The following WDFY3 variants were observed in gnomAD, a reference collection of about 807,000 sequenced individuals.
WDFY3 encodes the protein WD repeat and FYVE domain containing 3.
Under a neutral mutation model 409.6 loss-of-function variants are expected in WDFY3, and 66 were observed. The ratio of observed to expected loss-of-function variants is 0.16; its 90% CI spans 0.13 to 0.20. The LOEUF is 0.20. Among genes scored for constraint, WDFY3 ranks in the 10% least tolerant of loss-of-function variants. The pLI is 1.00. For missense variants in WDFY3, 3,031 were observed against 4,298.1 expected, an observed-to-expected ratio of 0.71 and a Z score of 8.24; for synonymous variants, 1,521 against 1,537.1, an observed-to-expected ratio of 0.99 and a Z score of 0.25.
chr4:84,773,893 C>CCATCT (rs1470886906), intron 29 of WDFY3, among the ~76,000 whole-genome samples: 1 of 151,998 alleles, frequency 6.6e-6, no homozygotes, highest in Non-Finnish European at 1.5e-5. Flanking sequence ...GCTAATTGTT[C>CCATCT]CTATTTTTAG....
At chr4:84,923,296 G>C (rs952304310) in intron 2 of WDFY3, among the ~76,000 whole-genome samples, 3 of 152,162 alleles carry the variant, frequency 2.0e-5, no homozygotes, top group Admixed American at 6.5e-5. Flanking sequence ...AAAAAGATGA[G>C]GCCAAAGGAA....
At chr4:84,807,472 A>C (rs1751708480) in intron 15 of WDFY3, among the ~76,000 whole-genome samples, 1 of 152,216 alleles carries the variant, frequency 6.6e-6, no homozygotes, top group African/African-American at 2.4e-5. Context: ...AACTATCTTC[A>C]AGTTTCAAAA....
At chr4:84,754,175 TTGG>T (rs1741013739) in intron 34 of WDFY3, among the ~76,000 whole-genome samples, 1 of 152,200 alleles carries the variant, frequency 6.6e-6, no homozygotes, top group Non-Finnish European at 1.5e-5. Context: ...ACCATGAGTG[TTGG>T]TGGTACCAAA....
intron 33 of WDFY3, 104 bp from the exon 34 acceptor site, chr4:84,755,504 G>A: frequency 7.7e-7 from 1 of 1,299,516 alleles, no homozygotes; most frequent in Non-Finnish European, 1.0e-6. Flanking sequence ...GTTTTTTGTT[G>A]TTTTTAAAAG....
In WDFY3 at chr4:84,831,368, AG is replaced by A. The variant is rs756582699; in HGVS notation, c.769+44del. The A allele has an allele frequency of 1.2e-5, 16 of 1,309,928 alleles. No homozygotes were observed. In the Middle Eastern group the frequency reaches 1.3e-3, roughly 103 times the overall value. 81.1% of individuals were successfully genotyped at this position (1,309,928 alleles called of 1,614,324 possible). On this transcript the variant is annotated intron_variant, in intron 8 of 67. Transcript: ENST00000295888. ...ATAAATCTATTATTAAATGAAGAAA[AG>A]TGGAAGAAATTTAGAACACTTAAAT...
At chr4:84,797,924 T>C (rs1364274510) in intron 18 of WDFY3, 72 bp downstream of exon 18, 3 of 1,367,284 alleles carry the variant, frequency 2.2e-6, no homozygotes, top group Admixed American at 4.1e-5. Context: ...CACAAACTTC[T>C]TGAAATAATA....
chr4:84,869,666 T>C (rs1424349936), intron 3 of WDFY3, among the ~76,000 whole-genome samples: 2 of 152,138 alleles, frequency 1.3e-5, no homozygotes, highest in Non-Finnish European at 2.9e-5. Context: ...GACAAACTTA[T>C]GGCCAAAAAT....
chr4:84,907,999 A>C (rs2150707763), intron 2 of WDFY3, among the ~76,000 whole-genome samples: 1 of 152,058 alleles, frequency 6.6e-6, no homozygotes, highest in Admixed American at 6.6e-5. Flanking sequence ...TCTACATGTA[A>C]GGTGCAAGGA....
At chr4:84,940,684 A>G (rs1057271340) in intron 1 of WDFY3, among the ~76,000 whole-genome samples, 1 of 152,094 alleles carries the variant, frequency 6.6e-6, no homozygotes, top group African/African-American at 2.4e-5. Flanking sequence ...ATAAGATACA[A>G]TATCCTGATA....
At chr4:84,696,247 A>G in intron 57 of WDFY3, 65 bp from the exon 58 acceptor site, 1 of 1,504,648 alleles carries the variant, frequency 6.6e-7, no homozygotes, top group South Asian at 1.2e-5. Context: ...GACTAGAAAA[A>G]CCTTGGTAAG....
intron 43 of WDFY3, among the ~76,000 whole-genome samples, chr4:84,734,769 G>A (rs1737158211): frequency 6.6e-6 from 1 of 152,166 alleles, no homozygotes; most frequent in Admixed American, 6.5e-5. Flanking sequence ...ACAAAGACAT[G>A]TAACATATCA....
intron 2 of WDFY3, among the ~76,000 whole-genome samples, chr4:84,915,884 T>C (rs897981165): frequency 1.3e-5 from 2 of 152,206 alleles, no homozygotes; most frequent in Non-Finnish European, 2.9e-5. Context: ...TTTTGGCAAG[T>C]GCCACAAAAC....
At chr4:84,810,891 G>A (rs1417348520) in intron 13 of WDFY3, among the ~76,000 whole-genome samples, 2 of 151,338 alleles carry the variant, frequency 1.3e-5, no homozygotes, top group Non-Finnish European at 2.9e-5. Context: ...AGGGTTGAAA[G>A]TATGGCTTTT....
At chr4:84,903,120 T>C (rs1412619115) in intron 2 of WDFY3, among the ~76,000 whole-genome samples, 1 of 152,150 alleles carries the variant, frequency 6.6e-6, no homozygotes, top group Non-Finnish European at 1.5e-5. Flanking sequence ...CCATTTTTGT[T>C]AGGTCAGAAA....
At chr4:84,759,184 C>T (rs980131927) in intron 32 of WDFY3, among the ~76,000 whole-genome samples, 1 of 152,108 alleles carries the variant, frequency 6.6e-6, no homozygotes. Flanking sequence ...GGCACCAGTA[C>T]CTTGCTGTTT....
intron 17 of WDFY3, among the ~76,000 whole-genome samples, 199 bp from the exon 18 acceptor site, chr4:84,798,307 GT>G (rs1219684024): frequency 5.9e-5 from 9 of 151,700 alleles, no homozygotes; most frequent in Non-Finnish European, 1.0e-4. Flanking sequence ...TTTTTAGAAT[GT>G]TTTTTAGACA....
At chr4:84,962,540 C>A (rs560734292) in intron 1 of WDFY3, among the ~76,000 whole-genome samples, 1 of 152,060 alleles carries the variant, frequency 6.6e-6, no homozygotes, top group Non-Finnish European at 1.5e-5. Context: ...TTTAGAGTAA[C>A]GGAAACGTCC....
chr4:84,733,561 C>T lies in WDFY3; in HGVS notation c.7042G>A (p.Glu2348Lys). 4.3e-6 allele frequency: 7 copies of T among 1,614,114 alleles called. No individual in the cohort carries two copies. The highest frequency in any genetic ancestry group is 2.2e-5 in the East Asian group (1 of 44,874). ...KYVTEEWCQI[E>K]CELLRERGLW... Reference sequence around the variant, plus strand: ...CCCCGCTCCCTCAACAGCTCGCACTCGATCTGACACCACTCTTCTGTCACG... The same window carrying T: ...CCCCGCTCCCTCAACAGCTCGCACTTGATCTGACACCACTCTTCTGTCACG... The change falls in exon 44 of 68, where the codon GAG becomes AAG. Residue 2348 changes from glutamate to lysine, a missense_variant. Physicochemically the swap from Glu to Lys is moderately conservative, Grantham distance 56. Transcript: ENST00000295888.
chr4:84,847,789 CCAAAAAAAAAAA>C (rs1758318327), intron 5 of WDFY3, among the ~76,000 whole-genome samples: 1 of 112,992 alleles, frequency 8.9e-6, no homozygotes, highest in South Asian at 2.7e-4. Flanking sequence ...AAAAAAAAAA[CCAAAAAAAAAAA>C]CAAAAAAAAA....
Sources: gnomAD v4.1 joint callset for allele counts (sites outside exome capture counted in the v4.1 genomes callset) on GRCh38, gnomAD v4.1.1 for gene constraint, MANE v1.5 for transcripts, NCBI Gene and HGNC (gene_info 2026-07-23, HGNC 2026-07-21) for gene names.